The following ADAMTSL1 variants were observed in gnomAD, a reference collection of about 807,000 sequenced individuals.
ADAMTSL1 encodes ADAMTS like 1.
ADAMTSL1 carries 126 observed loss-of-function variants against 201.8 expected under a neutral mutation model. The ratio of observed to expected loss-of-function variants is 0.62; its 90% CI spans 0.54 to 0.72. The LOEUF (loss-of-function observed/expected upper bound fraction) is 0.72, where lower values mean the gene tolerates loss of function less well. Ranked by LOEUF, ADAMTSL1 falls within the 30% of genes least tolerant of loss-of-function variation. The probability of loss-of-function intolerance (pLI) is 0.00; values close to 1 mark genes in which losing one functional copy is unlikely to be tolerated. For synonymous variants in ADAMTSL1, 1,121 were observed against 903.4 expected, an observed-to-expected ratio of 1.24 and a Z score of -4.32; for missense variants, 2,679 against 2,277.8, an observed-to-expected ratio of 1.18 and a Z score of -3.59.
chr9:18,841,378 G>A (rs933471249), intron 23 of ADAMTSL1, among the ~76,000 whole-genome samples: 1 of 152,146 alleles, frequency 6.6e-6, no homozygotes, highest in Non-Finnish European at 1.5e-5. Context: ...TGCATCCCAA[G>A]GATGAAGCCC....
At chr9:18,279,817 G>A (rs1047745683) in intron 2 of ADAMTSL1, among the ~76,000 whole-genome samples, 1 of 152,180 alleles carries the variant, frequency 6.6e-6, no homozygotes, top group African/African-American at 2.4e-5. Context: ...TGCCAGCCTG[G>A]CACTAGGGTG....
intron 7 of ADAMTSL1, among the ~76,000 whole-genome samples, chr9:18,645,394 T>C (rs971438933): frequency 3.9e-5 from 6 of 152,100 alleles, no homozygotes; most frequent in African/African-American, 7.2e-5. Flanking sequence ...TTAGTTTAAT[T>C]AGATCCCATT....
chr9:18,827,064 A>C (rs1824618532), intron 22 of ADAMTSL1, among the ~76,000 whole-genome samples: 1 of 151,788 alleles, frequency 6.6e-6, no homozygotes, highest in African/African-American at 2.4e-5. Context: ...CCAGTTCTGG[A>C]CTCAGCCATG....
chr9:18,577,988 T>C (rs75622203), intron 4 of ADAMTSL1, among the ~76,000 whole-genome samples: 15,265 of 77,406 alleles, frequency 0.2, 897 homozygotes, highest in Middle Eastern at 0.29. Flanking sequence ...ACTTTTCTCT[T>C]TTTTTTTTTT....
intron 5 of ADAMTSL1, among the ~76,000 whole-genome samples, chr9:18,624,616 C>T (rs763463602): frequency 6.6e-6 from 1 of 152,078 alleles, no homozygotes; most frequent in East Asian, 1.9e-4. Context: ...TATTCTCATG[C>T]CCATACCTTC....
At chr9:18,888,673 T>C (rs1829053320) in intron 24 of ADAMTSL1, among the ~76,000 whole-genome samples, 1 of 152,164 alleles carries the variant, frequency 6.6e-6, no homozygotes, top group Non-Finnish European at 1.5e-5. Context: ...AGAGGGAAAC[T>C]GGCCTTCTTA....
At chr9:18,605,966 C>T (rs976851460) in intron 4 of ADAMTSL1, among the ~76,000 whole-genome samples, 1 of 152,124 alleles carries the variant, frequency 6.6e-6, no homozygotes, top group Non-Finnish European at 1.5e-5. Context: ...GATAGTGTGT[C>T]ATTCTGGGCT....
At chr9:18,511,006 A>C (rs1817988892) in intron 2 of ADAMTSL1, among the ~76,000 whole-genome samples, 1 of 152,176 alleles carries the variant, frequency 6.6e-6, no homozygotes, top group Non-Finnish European at 1.5e-5. Flanking sequence ...AGCTTTGCTC[A>C]TAAGAAGTTC....
chr9:18,084,514 T>A (rs1367915938), intron 1 of ADAMTSL1, among the ~76,000 whole-genome samples: 1 of 147,308 alleles, frequency 6.8e-6, no homozygotes, highest in Non-Finnish European at 1.5e-5. Flanking sequence ...AGAGCAAGAC[T>A]CCATCTCAAA....
chr9:18,140,405 C>T (rs1176229464), intron 1 of ADAMTSL1, among the ~76,000 whole-genome samples: 1 of 152,108 alleles, frequency 6.6e-6, no homozygotes, highest in Admixed American at 6.6e-5. Context: ...CCAGCAGAGA[C>T]CAGGAGCAAG....
intron 1 of ADAMTSL1, among the ~76,000 whole-genome samples, chr9:17,973,069 T>C (rs1256931103): frequency 4.6e-5 from 1 of 21,926 alleles, no homozygotes; most frequent in Non-Finnish European, 1.2e-4. Flanking sequence ...TATTAACCCT[T>C]TGTCAGATGA....
intron 2 of ADAMTSL1, among the ~76,000 whole-genome samples, chr9:18,512,844 AG>A (rs1818116011): frequency 6.6e-6 from 1 of 152,194 alleles, no homozygotes; most frequent in South Asian, 2.1e-4. Context: ...AGCACACAGC[AG>A]ACATTCAAAT....
intron 3 of ADAMTSL1, among the ~76,000 whole-genome samples, chr9:18,562,192 C>G (rs548192133): frequency 6.6e-6 from 1 of 152,240 alleles, no homozygotes; most frequent in African/African-American, 2.4e-5. Flanking sequence ...GCGCTTCCTT[C>G]AGGAGCTCTT....
At chr9:18,902,192 C>G (rs10756996) in intron 26 of ADAMTSL1, among the ~76,000 whole-genome samples, 89,846 of 151,988 alleles carry the variant, frequency 0.59, 26,589 homozygotes, top group South Asian at 0.63. Flanking sequence ...TTTCAACAAT[C>G]GATAGGACAA....
At chr9:18,067,981 A>G (rs1417453902) in intron 1 of ADAMTSL1, among the ~76,000 whole-genome samples, 3 of 151,990 alleles carry the variant, frequency 2.0e-5, no homozygotes, top group African/African-American at 4.8e-5. Flanking sequence ...CGACAGGATA[A>G]TTTTTTTAAA....
At position 18,686,953 on chromosome 9, in the gene ADAMTSL1, A is replaced by C. The variant is rs1468684861; in HGVS notation, c.1574+2153A>C. On this transcript the variant is annotated intron_variant, in intron 13 of 28. Coordinates refer to ENST00000380548, the MANE Select transcript of ADAMTSL1 (RefSeq NM_001040272.6). Reference sequence around the variant, plus strand: ...TAAAGTAGTTAAAAAAGTTTTAGCCATTGAAAGTATAGCCATATATTAAAC... The same window carrying C: ...TAAAGTAGTTAAAAAAGTTTTAGCCCTTGAAAGTATAGCCATATATTAAAC... Among the ~76,000 whole-genome samples, 3 of 152,234 alleles carry C rather than the reference A, an allele frequency of 2.0e-5. No individual in the cohort carries two copies. In the East Asian group the frequency reaches 5.8e-4, roughly 29 times the overall value.
At chr9:18,701,873 A>G (rs1272537947) in intron 13 of ADAMTSL1, among the ~76,000 whole-genome samples, 3 of 152,224 alleles carry the variant, frequency 2.0e-5, no homozygotes, top group Non-Finnish European at 4.4e-5. Flanking sequence ...GTAATAGGAT[A>G]AAAGGAAAAG....
At chr9:18,776,746 C>G in intron 18 of ADAMTSL1, 35 bp from the exon 19 acceptor site, 1 of 1,510,902 alleles carries the variant, frequency 6.6e-7, no homozygotes. Flanking sequence ...CTCCCCACCT[C>G]TTTCTCTGTC....
intron 25 of ADAMTSL1, chr9:18,890,711 C>A: frequency 2.6e-6 from 1 of 382,344 alleles, no homozygotes; most frequent in South Asian, 1.9e-5. Flanking sequence ...CTGGCCCGCT[C>A]CTTTCTCAAA....
Sources: gnomAD v4.1 joint callset for allele counts (sites outside exome capture counted in the v4.1 genomes callset) on GRCh38, gnomAD v4.1.1 for gene constraint, MANE v1.5 for transcripts, NCBI Gene and HGNC (gene_info 2026-07-23, HGNC 2026-07-21) for gene names.